The following CACNG4 variants were observed in gnomAD, a reference collection of about 807,000 sequenced individuals.
CACNG4 encodes the protein calcium voltage-gated channel auxiliary subunit gamma 4, also known as voltage-dependent calcium channel gamma-4 subunit.
CACNG4 carries 8 observed loss-of-function variants against 22.9 expected under a neutral mutation model. The observed-to-expected ratio is 0.35, with a 90% CI of 0.21 to 0.63. The LOEUF (loss-of-function observed/expected upper bound fraction) is 0.63. Ranked by LOEUF, CACNG4 falls within the 30% of genes least tolerant of loss-of-function variation. CACNG4 has a pLI of 0.72. For missense variants in CACNG4, 357 were observed against 455.4 expected (o/e 0.78, Z 1.97); for synonymous variants, 188 against 191.9 (o/e 0.98, Z 0.17).
chr17:66,965,181 CACACAT>C (rs1453659535), intron 1 of CACNG4, 50 bp downstream of exon 1: 34 of 1,059,436 alleles, frequency 3.2e-5, no homozygotes, highest in African/African-American at 3.0e-4. Flanking sequence ...CACACACACA[CACACAT>C]ATACACACGC....
At chr17:67,012,835 C>T (rs1035694421) in intron 1 of CACNG4, among the ~76,000 whole-genome samples, 5 of 152,128 alleles carry the variant, frequency 3.3e-5, no homozygotes, top group African/African-American at 9.7e-5. Context: ...CCAAGAGGTA[C>T]GAGGTGGACA....
At chr17:66,996,241 A>G (rs2035373978) in intron 1 of CACNG4, among the ~76,000 whole-genome samples, 1 of 142,512 alleles carries the variant, frequency 7.0e-6, no homozygotes, top group Non-Finnish European at 1.5e-5. Flanking sequence ...AAGAGGGCAG[A>G]AGGCAGAGTG....
intron 1 of CACNG4, among the ~76,000 whole-genome samples, chr17:66,982,104 G>A (rs1036165663): frequency 6.6e-6 from 1 of 152,184 alleles, no homozygotes; most frequent in African/African-American, 2.4e-5. Flanking sequence ...CTTAAAGGTG[G>A]CACGGACCCA....
chr17:66,978,974 C>A (rs918690956), intron 1 of CACNG4, among the ~76,000 whole-genome samples: 2 of 152,226 alleles, frequency 1.3e-5, no homozygotes, highest in African/African-American at 4.8e-5. Context: ...GAGGTTCAGT[C>A]TCTGGGGGAG....
intron 2 of CACNG4, among the ~76,000 whole-genome samples, chr17:67,023,585 T>TC (rs1403342102): frequency 6.7e-6 from 1 of 148,706 alleles, no homozygotes; most frequent in Non-Finnish European, 1.5e-5. Flanking sequence ...CTTTTTTTTT[T>TC]TTTAAGACAG....
chr17:66,988,124 T>C (rs972169373), intron 1 of CACNG4, among the ~76,000 whole-genome samples: 3 of 151,776 alleles, frequency 2.0e-5, no homozygotes, highest in Non-Finnish European at 4.4e-5. Context: ...ACCACCCTGA[T>C]AGCACCCAGC....
chr17:66,969,575 T>C (rs2035191650), intron 1 of CACNG4, among the ~76,000 whole-genome samples: 1 of 152,134 alleles, frequency 6.6e-6, no homozygotes. Flanking sequence ...CACACCAGTG[T>C]ACCCAACCTT....
At chr17:67,008,503 G>A (rs2035450203) in intron 1 of CACNG4, among the ~76,000 whole-genome samples, 1 of 152,168 alleles carries the variant, frequency 6.6e-6, no homozygotes, top group African/African-American at 2.4e-5. Flanking sequence ...AAGGAGCCTC[G>A]AGTTTGTCAG....
chr17:66,994,834 G>C (rs74457844), intron 1 of CACNG4, among the ~76,000 whole-genome samples: 3 of 152,268 alleles, frequency 2.0e-5, no homozygotes, highest in African/African-American at 4.8e-5. Flanking sequence ...GGTAGTGGAG[G>C]GGGAGGGAGT....
chr17:66,987,560 C>T (rs1013823327), intron 1 of CACNG4, among the ~76,000 whole-genome samples: 2 of 152,136 alleles, frequency 1.3e-5, no homozygotes, highest in Non-Finnish European at 2.9e-5. Flanking sequence ...ACAGGAGAAG[C>T]ATCAGGCACT....
chr17:66,965,213 C>T (rs1241205544), intron 1 of CACNG4, 82 bp downstream of exon 1: 19 of 832,504 alleles, frequency 2.3e-5, no homozygotes, highest in Non-Finnish European at 3.2e-5. Context: ...CGCGCGCGCG[C>T]ACACACACAC....
intron 1 of CACNG4, among the ~76,000 whole-genome samples, chr17:66,966,731 T>G (rs541339841): frequency 6.6e-6 from 1 of 152,240 alleles, no homozygotes; most frequent in Non-Finnish European, 1.5e-5. Flanking sequence ...CAGGGCTGAG[T>G]GGAGTCTGCA....
intron 1 of CACNG4, among the ~76,000 whole-genome samples, chr17:66,972,531 G>C (rs550173227): frequency 6.6e-6 from 1 of 152,204 alleles, no homozygotes; most frequent in Non-Finnish European, 1.5e-5. Context: ...AGAACCTCTT[G>C]AATCTAGGGG....
At chr17:67,002,656 A>C (rs1224420634) in intron 1 of CACNG4, among the ~76,000 whole-genome samples, 1 of 146,886 alleles carries the variant, frequency 6.8e-6, no homozygotes, top group South Asian at 2.2e-4. Context: ...CCATCCTCAA[A>C]TAGAATAGGG....
intron 1 of CACNG4, among the ~76,000 whole-genome samples, chr17:66,991,002 G>A (rs1363415315): frequency 7.2e-5 from 11 of 152,052 alleles, no homozygotes; most frequent in Non-Finnish European, 1.5e-5. Flanking sequence ...TTTTAAAAAG[G>A]GGTACATTAA....
In CACNG4 at chr17:66,984,287, G is replaced by A. The variant is rs1432889124; in HGVS notation, c.220+19156G>A. On this transcript the variant is annotated intron_variant, in intron 1 of 3. Transcript: ENST00000262138. This position sits in a 1 kb window ranked among gnomAD's most constrained non-coding sequence, Gnocchi z 4.0. ...CCCTAGCTACACAGGAGGCTGAGGT[G>A]GGAGGATTGCCTGAGCCCTGGAGTT... is the stretch of plus-strand genomic sequence containing the variant. 6.6e-6 allele frequency among the ~76,000 whole-genome samples: 1 copy of A among 152,154 alleles called. No homozygotes were observed. Among genetic ancestry groups the A allele is most frequent in the Non-Finnish European group, 1.5e-5 (1 of 68,030 alleles).
At chr17:67,025,828 G>A (rs188647291) in intron 3 of CACNG4, among the ~76,000 whole-genome samples, 87 of 152,344 alleles carry the variant, frequency 5.7e-4, no homozygotes, top group Admixed American at 1.6e-3. Context: ...TCACATCCTG[G>A]GACCCGCAGC....
At chr17:67,002,730 C>T (rs1419162601) in intron 1 of CACNG4, among the ~76,000 whole-genome samples, 1 of 152,046 alleles carries the variant, frequency 6.6e-6, no homozygotes, top group Non-Finnish European at 1.5e-5. Flanking sequence ...GTGAGAGAAT[C>T]CTGGCTGTGC....
chr17:66,993,948 G>A (rs1433038469), intron 1 of CACNG4, among the ~76,000 whole-genome samples: 2 of 151,892 alleles, frequency 1.3e-5, no homozygotes, highest in Admixed American at 1.3e-4. Context: ...CTTCAGGGTA[G>A]TAACTACTGT....
Sources: gnomAD v4.1 joint callset for allele counts (sites outside exome capture counted in the v4.1 genomes callset) on GRCh38, gnomAD v4.1.1 for gene constraint, Gnocchi (gnomAD v3.1) non-coding constraint, MANE v1.5 for transcripts, NCBI Gene and HGNC (gene_info 2026-07-23, HGNC 2026-07-21) for gene names.